Variants in ADGB observed in about 807,000 individuals in gnomAD.
The protein encoded by ADGB is androglobin, also known as calpain-7-like protein.
A neutral mutation model predicts 210.5 loss-of-function variants in ADGB; 172 were observed. The ratio of observed to expected loss-of-function variants is 0.82; its 90% CI spans 0.72 to 0.93. The LOEUF is 0.93. Ranked by LOEUF, ADGB falls within the 40% of genes least tolerant of loss-of-function variation. The pLI is 0.00. For synonymous variants in ADGB, 658 were observed against 662.7 expected (o/e 0.99, Z 0.11); for missense variants, 2,025 against 1,964.8 (o/e 1.03, Z -0.58).
At chr6:146,784,552 T>C (rs1777845907) in intron 30 of ADGB, 66 bp from the exon 31 acceptor site, 1 of 1,223,418 alleles carries the variant, frequency 8.2e-7, no homozygotes, top group Non-Finnish European at 1.1e-6. Flanking sequence ...ATGTATCATA[T>C]GGTAAAATCT....
intron 26 of ADGB, among the ~76,000 whole-genome samples, chr6:146,751,786 G>A (rs1390045629): frequency 3.3e-5 from 5 of 152,040 alleles, no homozygotes; most frequent in African/African-American, 1.2e-4. Flanking sequence ...TTTTTGAGAA[G>A]CGTCTGTTTA....
intron 11 of ADGB, 121 bp downstream of exon 11, chr6:146,691,411 A>ATATATAT (rs1776305900): frequency 2.0e-5 from 2 of 98,242 alleles, no homozygotes; most frequent in African/African-American, 2.3e-4. Context: ...GCCTATGTTT[A>ATATATAT]ATATATATAT....
chr6:146,609,500 C>G (rs929193318), intron 1 of ADGB, among the ~76,000 whole-genome samples: 1 of 152,146 alleles, frequency 6.6e-6, no homozygotes, highest in African/African-American at 2.4e-5. Context: ...TTTATAGTGT[C>G]AATTCCATAG....
At chr6:146,661,047 C>T (rs1434767709) in intron 5 of ADGB, among the ~76,000 whole-genome samples, 1 of 152,038 alleles carries the variant, frequency 6.6e-6, no homozygotes, top group Non-Finnish European at 1.5e-5. Flanking sequence ...AAGCAAATCT[C>T]TTCACTTTAT....
intron 16 of ADGB, among the ~76,000 whole-genome samples, chr6:146,718,042 G>A (rs564606827): frequency 7.2e-5 from 11 of 152,058 alleles, no homozygotes; most frequent in African/African-American, 2.7e-4. Context: ...CCTCATTGCT[G>A]TTGTTCAGCT....
intron 33 of ADGB, among the ~76,000 whole-genome samples, chr6:146,800,805 G>A (rs111587073): frequency 6.4e-4 from 98 of 152,176 alleles, no homozygotes; most frequent in African/African-American, 2.3e-3. Flanking sequence ...GTAGCATTTG[G>A]GCAAAGCCCA....
At chr6:146,741,492 G>A (rs185797258) in intron 25 of ADGB, among the ~76,000 whole-genome samples, 28 of 152,108 alleles carry the variant, frequency 1.8e-4, no homozygotes, top group Middle Eastern at 3.4e-3. Context: ...TTCTTCTTCC[G>A]AAAGAAAATA....
intron 10 of ADGB, among the ~76,000 whole-genome samples, chr6:146,686,454 T>A (rs1430431391): frequency 6.6e-6 from 1 of 152,152 alleles, no homozygotes; most frequent in African/African-American, 2.4e-5. Flanking sequence ...ATTCTGTGTT[T>A]GTATGTGTAT....
At chr6:146,643,632 A>C (rs1470897233) in intron 2 of ADGB, among the ~76,000 whole-genome samples, 1 of 151,864 alleles carries the variant, frequency 6.6e-6, no homozygotes, top group Non-Finnish European at 1.5e-5. Context: ...CTGACCCATA[A>C]TAAGAATTCA....
At chr6:146,669,244 T>G (rs1198999902) in intron 7 of ADGB, among the ~76,000 whole-genome samples, 2 of 152,020 alleles carry the variant, frequency 1.3e-5, no homozygotes, top group Non-Finnish European at 2.9e-5. Context: ...GTAGTGGAGA[T>G]CCAGGGATGA....
chr6:146,751,490 A>G (rs1398242794), intron 26 of ADGB, among the ~76,000 whole-genome samples: 1 of 152,092 alleles, frequency 6.6e-6, no homozygotes. Context: ...CTCTGGGTAT[A>G]TACCCAGTAA....
At position 146,740,601 on chromosome 6, in the gene ADGB, T is replaced by C. The variant is rs75708185; in HGVS notation, c.3023+8T>C. 2 of 1,548,488 alleles carry C rather than the reference T, an allele frequency of 1.3e-6. No homozygotes were observed. Among genetic ancestry groups the C allele is most frequent in the Non-Finnish European group, 1.7e-6 (2 of 1,145,906 alleles). ...TTGGTTTATAGTATTCAGGTGAGGTTGTTATATAGTGACAAATATGTCTCT... is the reference window on the plus strand; with the variant it reads ...TTGGTTTATAGTATTCAGGTGAGGTCGTTATATAGTGACAAATATGTCTCT... On this transcript the variant is annotated splice_region_variant and intron_variant, in intron 24 of 35. Coordinates refer to ENST00000397944, the MANE Select transcript of ADGB (RefSeq NM_024694.4).
intron 1 of ADGB, among the ~76,000 whole-genome samples, chr6:146,614,199 CCCTTCCTCCCTT>C (rs200033088): frequency 2.6e-4 from 26 of 100,970 alleles, no homozygotes; most frequent in Admixed American, 3.7e-4. Flanking sequence ...CTCCCTCCCT[CCCTTCCTCCCTT>C]CCTTCCTCCC....
intron 33 of ADGB, among the ~76,000 whole-genome samples, chr6:146,798,456 A>G (rs990919111): frequency 1.3e-5 from 2 of 152,218 alleles, no homozygotes; most frequent in African/African-American, 4.8e-5. Context: ...TGAAAAACCT[A>G]CGGTAAACAT....
chr6:146,710,679 A>T (rs1250173318), intron 13 of ADGB, among the ~76,000 whole-genome samples: 1 of 152,094 alleles, frequency 6.6e-6, no homozygotes, highest in African/African-American at 2.4e-5. Context: ...ATATCTGTCA[A>T]CATTTTTTGA....
At chr6:146,664,070 C>T (rs918255150) in intron 5 of ADGB, 131 bp from the exon 6 acceptor site, 23 of 842,776 alleles carry the variant, frequency 2.7e-5, no homozygotes, top group Middle Eastern at 5.1e-4. Flanking sequence ...CCAGTATCTC[C>T]GTCTTTCAGT....
At position 146,635,331 on chromosome 6, in the gene ADGB, G is replaced by T. The variant is rs963351654; in HGVS notation, c.75-44G>T. On this transcript the variant is annotated intron_variant, in intron 1 of 35. Transcript: ENST00000397944. Reference sequence around the variant, plus strand: ...AGTTAATCCAATATTTGATCTCAGAGATTTTAATTAAACCTAACCCACCCA... The same window carrying T: ...AGTTAATCCAATATTTGATCTCAGATATTTTAATTAAACCTAACCCACCCA... 6 of 1,351,442 alleles carry T rather than the reference G, an allele frequency of 4.4e-6. No individual in the cohort carries two copies. In the African/African-American group the frequency reaches 7.6e-5, roughly 17 times the overall value. 83.7% of individuals were successfully genotyped at this position (1,351,442 alleles called of 1,614,324 possible).
intron 26 of ADGB, among the ~76,000 whole-genome samples, chr6:146,751,027 A>G (rs1208587823): frequency 6.6e-6 from 1 of 152,128 alleles, no homozygotes; most frequent in Admixed American, 6.6e-5. Context: ...GGTTTGTTAC[A>G]TAGGTAAACA....
At chr6:146,759,066 T>C (rs1215237931) in intron 27 of ADGB, among the ~76,000 whole-genome samples, 5 of 151,892 alleles carry the variant, frequency 3.3e-5, no homozygotes, top group Non-Finnish European at 7.4e-5. Flanking sequence ...TTACATATCC[T>C]TTACGGTATG....
Sources: gnomAD v4.1 joint callset for allele counts (sites outside exome capture counted in the v4.1 genomes callset) on GRCh38, gnomAD v4.1.1 for gene constraint, MANE v1.5 for transcripts, NCBI Gene and HGNC (gene_info 2026-07-23, HGNC 2026-07-21) for gene names.